Variants in KLHL1 observed in about 807,000 individuals in gnomAD.
KLHL1 encodes kelch-like protein 1.
In KLHL1, 47 loss-of-function variants were observed where a neutral mutation model predicts 77.7. That is an observed-to-expected ratio of 0.60 (90% confidence interval 0.48 to 0.77). KLHL1 has a LOEUF of 0.77. KLHL1 is among the 30% of genes least tolerant of loss of function. The pLI is 0.00. For synonymous variants in KLHL1, 360 were observed against 325.2 expected (o/e 1.11, Z -1.15); for missense variants, 925 against 910.8 (o/e 1.02, Z -0.20).
chr13:69,791,244 A>AAT (rs1331917474), intron 7 of KLHL1, among the ~76,000 whole-genome samples: 2 of 152,088 alleles, frequency 1.3e-5, no homozygotes, highest in African/African-American at 2.4e-5. Flanking sequence ...ATCAAAAATA[A>AAT]ATTATTTAGG....
chr13:69,744,316 T>G (rs968603356), intron 7 of KLHL1, among the ~76,000 whole-genome samples: 7 of 152,090 alleles, frequency 4.6e-5, no homozygotes, highest in East Asian at 1.9e-4. Context: ...TTGGCTTTCA[T>G]ATTTCTGACC....
In KLHL1 at chr13:69,704,208, A is replaced by C. The variant is rs186949273; in HGVS notation, c.2188-2447T>G. Reference sequence around the variant, plus strand: ...CTGTTTTTTCAAAAAACAAAATGTGATATTCCCCTTGTGTTTCTTATGTCA... The same window carrying C: ...CTGTTTTTTCAAAAAACAAAATGTGCTATTCCCCTTGTGTTTCTTATGTCA... On this transcript the variant is annotated intron_variant, in intron 10 of 10. Coordinates refer to ENST00000377844, the MANE Select transcript of KLHL1 (RefSeq NM_020866.3). Among the ~76,000 whole-genome samples the C allele has an allele frequency of 5.6e-3, 853 of 151,708 alleles. 7 individuals are homozygous for C. Among genetic ancestry groups the C allele is most frequent in the African/African-American group, 0.02 (816 of 41,470 alleles).
chr13:69,975,189 T>C (rs976774990), intron 2 of KLHL1, among the ~76,000 whole-genome samples: 20 of 152,046 alleles, frequency 1.3e-4, no homozygotes, highest in African/African-American at 3.9e-4. Flanking sequence ...ATTTATTAGT[T>C]GATATAAATA....
intron 4 of KLHL1, among the ~76,000 whole-genome samples, chr13:69,888,134 C>T (rs189838696): frequency 9.9e-5 from 15 of 152,240 alleles, no homozygotes; most frequent in Non-Finnish European, 1.3e-4. Flanking sequence ...TTTCTTGCTG[C>T]ATTCTCATAT....
chr13:69,751,640 G>T (rs145371905), intron 7 of KLHL1, among the ~76,000 whole-genome samples: 1,719 of 152,176 alleles, frequency 0.011, 23 homozygotes, highest in Middle Eastern at 0.051. Flanking sequence ...AAGGCTAAAT[G>T]GTTAAAAGAC....
At chr13:70,021,237 C>T (rs529885049) in intron 1 of KLHL1, among the ~76,000 whole-genome samples, 64 of 152,150 alleles carry the variant, frequency 4.2e-4, no homozygotes, top group Non-Finnish European at 8.7e-4. Context: ...ATAGTTTTGC[C>T]TTTTCCAGAA....
chr13:69,994,599 T>C (rs1885105060), intron 1 of KLHL1, among the ~76,000 whole-genome samples: 1 of 152,194 alleles, frequency 6.6e-6, no homozygotes, highest in African/African-American at 2.4e-5. Context: ...ATTGTACTAA[T>C]GTATATGGAA....
chr13:69,701,792 CA>C, intron 10 of KLHL1, 31 bp from the exon 11 acceptor site: 1 of 1,476,158 alleles, frequency 6.8e-7, no homozygotes, highest in African/African-American at 1.4e-5. Context: ...CAACTTAAGA[CA>C]AGTTTTCATA....
At position 70,065,173 on chromosome 13, in the gene KLHL1, C is replaced by A. The variant is rs17086304; in HGVS notation, c.497+42030G>T. 9.6e-3 allele frequency among the ~76,000 whole-genome samples: 1,454 copies of A among 152,196 alleles called. 18 individuals carry two copies. The highest frequency in any genetic ancestry group is 0.033 in the African/African-American group (1,382 of 41,518). On this transcript the variant is annotated intron_variant, in intron 1 of 10. Coordinates refer to ENST00000377844, the MANE Select transcript of KLHL1 (RefSeq NM_020866.3). Reference sequence around the variant, plus strand: ...AACCACAGTTCTTCCTTCAGTGATTCTTTTGTGACTGTAGAAAAAAATATT... The same window carrying A: ...AACCACAGTTCTTCCTTCAGTGATTATTTTGTGACTGTAGAAAAAAATATT...
At chr13:69,802,232 T>C (rs868310467) in intron 6 of KLHL1, among the ~76,000 whole-genome samples, 3 of 152,206 alleles carry the variant, frequency 2.0e-5, no homozygotes, top group African/African-American at 7.2e-5. Flanking sequence ...TTCCATGGTG[T>C]ATATGTGCCC....
At position 69,828,980 on chromosome 13, in the gene KLHL1, A is replaced by G. The variant is rs771630732; in HGVS notation, c.1414+9996T>C. Among the ~76,000 whole-genome samples, 3 of 150,376 alleles carry G rather than the reference A, an allele frequency of 2.0e-5. 1 individual carries two copies. Among genetic ancestry groups the G allele is most frequent in the Non-Finnish European group, 4.4e-5 (3 of 67,816 alleles). ...CTTTCTCTACCTGCTTTGGTAGTCA[A>G]AATGAAAGACGTAATCTCTTAGGAG... is the stretch of plus-strand genomic sequence containing the variant. On this transcript the variant is annotated intron_variant, in intron 6 of 10. Coordinates refer to ENST00000377844, the MANE Select transcript of KLHL1 (RefSeq NM_020866.3).
intron 7 of KLHL1, among the ~76,000 whole-genome samples, chr13:69,785,113 C>G (rs1302446374): frequency 6.6e-6 from 1 of 151,116 alleles, no homozygotes; most frequent in Non-Finnish European, 1.5e-5. Flanking sequence ...GGGATGGTCT[C>G]GATCTCCTGA....
chr13:69,873,011 A>T (rs1880641338), intron 5 of KLHL1, among the ~76,000 whole-genome samples: 1 of 152,208 alleles, frequency 6.6e-6, no homozygotes, highest in South Asian at 2.1e-4. Context: ...TTATCTATGC[A>T]GTTTAACTTT....
chr13:69,772,749 G>T (rs1444164756), intron 7 of KLHL1, among the ~76,000 whole-genome samples: 4 of 152,146 alleles, frequency 2.6e-5, no homozygotes, highest in Non-Finnish European at 5.9e-5. Context: ...GTTTCTGGAT[G>T]AACAAAGTGT....
chr13:70,040,160 C>T (rs1440227289), intron 1 of KLHL1, among the ~76,000 whole-genome samples: 2 of 152,042 alleles, frequency 1.3e-5, no homozygotes, highest in Admixed American at 6.6e-5. Flanking sequence ...TTAGCTTAAC[C>T]ATCAAACATA....
At chr13:69,819,978 A>G (rs1878269512) in intron 6 of KLHL1, among the ~76,000 whole-genome samples, 1 of 152,212 alleles carries the variant, frequency 6.6e-6, no homozygotes, top group African/African-American at 2.4e-5. Context: ...AGTATGCAGG[A>G]AAGTTCACTT....
intron 7 of KLHL1, among the ~76,000 whole-genome samples, chr13:69,780,693 T>C (rs1876102570): frequency 5.9e-5 from 1 of 16,916 alleles, no homozygotes; most frequent in African/African-American, 4.0e-4. Context: ...TTCATATATA[T>C]ATATATATGT....
Position 69,917,551 on chromosome 13 carries a change from G to T in KLHL1, c.1014+22489C>A, listed in dbSNP as rs115134156. On this transcript the variant is annotated intron_variant, in intron 4 of 10. Coordinates refer to ENST00000377844, the MANE Select transcript of KLHL1 (RefSeq NM_020866.3). ...AACCCTTGGAGGAATGGTTGATTTC[G>T]TTTCTGTGGCAAGGAAATTCCATAG... Among the ~76,000 whole-genome samples the T allele has an allele frequency of 5.3e-3, 805 of 152,144 alleles. 10 individuals are homozygous for T. Among genetic ancestry groups the T allele is most frequent in the African/African-American group, 0.018 (745 of 41,520 alleles).
intron 6 of KLHL1, among the ~76,000 whole-genome samples, chr13:69,835,920 A>G (rs1878969648): frequency 6.6e-6 from 1 of 152,104 alleles, no homozygotes; most frequent in South Asian, 2.1e-4. Context: ...AAAATTACAA[A>G]TACACAGGGG....
Sources: gnomAD v4.1 joint callset for allele counts (sites outside exome capture counted in the v4.1 genomes callset) on GRCh38, gnomAD v4.1.1 for gene constraint, MANE v1.5 for transcripts, NCBI Gene and HGNC (gene_info 2026-07-23, HGNC 2026-07-21) for gene names.